Variants in ZFYVE28 observed in about 807,000 individuals in gnomAD.
ZFYVE28 encodes the protein lateral signaling target protein 2 homolog.
A neutral mutation model predicts 82.1 loss-of-function variants in ZFYVE28; 40 were observed. The ratio of observed to expected loss-of-function variants is 0.49; its 90% CI spans 0.38 to 0.63. The LOEUF (loss-of-function observed/expected upper bound fraction) is 0.63. Ranked by LOEUF, ZFYVE28 falls within the 30% of genes least tolerant of loss-of-function variation. The probability of loss-of-function intolerance (pLI) is 0.00; values close to 1 mark genes in which losing one functional copy is unlikely to be tolerated. For synonymous variants in ZFYVE28, 612 were observed against 546.1 expected (o/e 1.12, Z -1.68); for missense variants, 1,321 against 1,242.1 (o/e 1.06, Z -0.96).
chr4:2,339,391 G>C lies in ZFYVE28; in HGVS notation c.521+62C>G. On this transcript the variant is annotated intron_variant, in intron 4 of 12. Coordinates refer to ENST00000290974, the MANE Select transcript of ZFYVE28 (RefSeq NM_020972.3). This position sits in a 1 kb window ranked among gnomAD's most constrained non-coding sequence, Gnocchi z 5.0. ...GCTTGAAGTATCAGGGTGAGCCCCGGAAGCTGGCACAACCGTCCCCCAGCT... is the reference window on the plus strand; with the variant it reads ...GCTTGAAGTATCAGGGTGAGCCCCGCAAGCTGGCACAACCGTCCCCCAGCT... The C allele has an allele frequency of 1.3e-6, 2 of 1,551,318 alleles. No individual in the cohort carries two copies. The highest frequency in any genetic ancestry group is 2.4e-5 in the South Asian group (2 of 84,030).
At chr4:2,302,410 C>G (rs905829032) in intron 8 of ZFYVE28, among the ~76,000 whole-genome samples, 1 of 152,186 alleles carries the variant, frequency 6.6e-6, no homozygotes, top group South Asian at 2.1e-4. Flanking sequence ...GAAATGGTGT[C>G]CAGTGGCCTT....
chr4:2,329,045 G>A (rs776641642), intron 6 of ZFYVE28: 26 of 688,586 alleles, frequency 3.8e-5, no homozygotes, highest in Non-Finnish European at 6.1e-5. Context: ...AAATCAGGAC[G>A]TATGAATCTT....
intron 1 of ZFYVE28, among the ~76,000 whole-genome samples, chr4:2,402,193 G>T (rs546469759): frequency 7.2e-5 from 11 of 152,332 alleles, no homozygotes; most frequent in African/African-American, 2.6e-4. Context: ...ACCAGGCACC[G>T]CACAGACAGC....
At chr4:2,356,818 C>T (rs958328316) in intron 1 of ZFYVE28, among the ~76,000 whole-genome samples, 6 of 149,338 alleles carry the variant, frequency 4.0e-5, no homozygotes, top group East Asian at 1.9e-4. Context: ...GCTGCACTTT[C>T]GAAGCCTTGT....
intron 2 of ZFYVE28, among the ~76,000 whole-genome samples, chr4:2,352,006 T>A (rs949950700): frequency 2.6e-5 from 4 of 152,214 alleles, no homozygotes; most frequent in African/African-American, 4.8e-5. Flanking sequence ...CCCCAGCGTA[T>A]ATCATATCTG....
intron 2 of ZFYVE28, among the ~76,000 whole-genome samples, chr4:2,342,316 T>G: frequency 6.6e-6 from 1 of 152,202 alleles, no homozygotes; most frequent in East Asian, 1.9e-4. Context: ...CTCATGGCTG[T>G]TCAACGAGGG....
At chr4:2,411,547 C>T (rs549232639) in intron 1 of ZFYVE28, among the ~76,000 whole-genome samples, 4 of 152,136 alleles carry the variant, frequency 2.6e-5, no homozygotes, top group African/African-American at 4.8e-5. Flanking sequence ...ATGTAAAATC[C>T]GATGACAGTC....
chr4:2,290,474 G>T (rs180821942), intron 8 of ZFYVE28, among the ~76,000 whole-genome samples: 1 of 152,204 alleles, frequency 6.6e-6, no homozygotes, highest in African/African-American at 2.4e-5. Context: ...ACTCCTGTCT[G>T]TTGGCCCTCT....
At chr4:2,270,896 A>G (rs777708743) in intron 12 of ZFYVE28, 40 bp from the exon 13 acceptor site, 1 of 1,601,652 alleles carries the variant, frequency 6.2e-7, no homozygotes, top group East Asian at 2.3e-5. Context: ...GCGGCAGACC[A>G]GCCCCACCCA....
chr4:2,283,082 G>C (rs559831661), intron 8 of ZFYVE28, among the ~76,000 whole-genome samples: 88 of 113,858 alleles, frequency 7.7e-4, no homozygotes, highest in Non-Finnish European at 8.5e-4. Context: ...ATGGTGGGCT[G>C]GCTGCTTCTT....
chr4:2,377,024 CTT>C (rs777155297), intron 1 of ZFYVE28, among the ~76,000 whole-genome samples: 2 of 146,262 alleles, frequency 1.4e-5, no homozygotes, highest in African/African-American at 2.5e-5. Context: ...TAAGACTTTA[CTT>C]TTTTTTTTTT....
intron 2 of ZFYVE28, among the ~76,000 whole-genome samples, chr4:2,347,961 ACAAT>A: frequency 6.6e-6 from 1 of 151,692 alleles, no homozygotes; most frequent in East Asian, 1.9e-4. Context: ...AGGAATAGCA[ACAAT>A]CAGAGCAGAA....
At chr4:2,294,831 G>A (rs1416239597) in intron 8 of ZFYVE28, among the ~76,000 whole-genome samples, 1 of 152,228 alleles carries the variant, frequency 6.6e-6, no homozygotes, top group Non-Finnish European at 1.5e-5. Flanking sequence ...AGCGACGCTT[G>A]AGTCGATGAG....
At chr4:2,355,053 C>T (rs1398617930) in intron 1 of ZFYVE28, among the ~76,000 whole-genome samples, 1 of 151,308 alleles carries the variant, frequency 6.6e-6, no homozygotes, top group African/African-American at 2.4e-5. Context: ...CCCGCCTGGC[C>T]TCCTTGGTGC....
intron 1 of ZFYVE28, among the ~76,000 whole-genome samples, chr4:2,365,344 G>T (rs975055029): frequency 6.6e-6 from 1 of 151,500 alleles, no homozygotes; most frequent in South Asian, 2.1e-4. Flanking sequence ...CTCTGGGCCC[G>T]CACGTGCACT....
chr4:2,338,139 C>T (rs1000940236), intron 4 of ZFYVE28, among the ~76,000 whole-genome samples: 19 of 152,214 alleles, frequency 1.2e-4, no homozygotes, highest in African/African-American at 3.6e-4. Context: ...GTGAACAACC[C>T]GCAGCCCCAC....
At position 2,417,103 on chromosome 4, in the gene ZFYVE28, G is replaced by A. The variant is rs1472491385; in HGVS notation, c.39+1182C>T. Among the ~76,000 whole-genome samples the A allele has an allele frequency of 6.6e-6, 1 of 152,234 alleles. No individual in the cohort carries two copies. Among genetic ancestry groups the A allele is most frequent in the Admixed American group, 6.5e-5 (1 of 15,286 alleles). On this transcript the variant is annotated intron_variant, in intron 1 of 12. Coordinates refer to ENST00000290974, the MANE Select transcript of ZFYVE28 (RefSeq NM_020972.3). The surrounding 1 kb of genome is among the most constrained non-coding windows in gnomAD (Gnocchi z 4.8). ...GCTGGACGGAGAAAGGCGGCCAGTG[G>A]AGGGAGGAGGGGTAGGTCGGCAACG...
At chr4:2,306,384 T>G (rs1365800805) in intron 7 of ZFYVE28, among the ~76,000 whole-genome samples, 1 of 152,224 alleles carries the variant, frequency 6.6e-6, no homozygotes, top group Non-Finnish European at 1.5e-5. Flanking sequence ...AATCCACCCA[T>G]GTGAATAGCA....
chr4:2,306,274 G>T (rs2108825250), intron 7 of ZFYVE28, among the ~76,000 whole-genome samples: 1 of 152,390 alleles, frequency 6.6e-6, no homozygotes, highest in African/African-American at 2.4e-5. Flanking sequence ...GAAGCTCCGG[G>T]TGTGTCTGTG....
Sources: gnomAD v4.1 joint callset for allele counts (sites outside exome capture counted in the v4.1 genomes callset) on GRCh38, gnomAD v4.1.1 for gene constraint, Gnocchi (gnomAD v3.1) non-coding constraint, MANE v1.5 for transcripts, NCBI Gene and HGNC (gene_info 2026-07-23, HGNC 2026-07-21) for gene names.